Variants in POLE4 observed in about 807,000 individuals in gnomAD.
POLE4 encodes the protein DNA polymerase epsilon 4, accessory subunit.
In POLE4, 15 loss-of-function variants were observed where a neutral mutation model predicts 15.6. That is an observed-to-expected ratio of 0.96 (90% confidence interval 0.64 to 1.48). The LOEUF is 1.48. POLE4 is among the 40% of genes most tolerant of loss of function. The pLI, the probability that POLE4 is intolerant of heterozygous loss-of-function variation, is 0.00. For synonymous variants in POLE4, 83 were observed against 63.2 expected (o/e 1.31, Z -1.49); for missense variants, 205 against 151.9 (o/e 1.35, Z -1.84).
At chr2:74,960,059 C>T (rs772194106) in intron 2 of POLE4, 46 bp from the exon 3 acceptor site, 1 of 1,563,744 alleles carries the variant, frequency 6.4e-7, no homozygotes. Context: ...TGACTGAGGT[C>T]AGCATGGCTG....
Position 74,958,656 on chromosome 2 carries a change from G to T in POLE4, c.-24G>T. 2.1e-6 allele frequency: 3 copies of T among 1,400,226 alleles called. No homozygotes were observed. Among genetic ancestry groups the T allele is most frequent in the East Asian group, 3.0e-5 (1 of 33,208 alleles). The allele number at this position is 1,400,226 out of a possible 1,614,324, so 86.7% of individuals were successfully genotyped here. A position where few individuals can be genotyped will look rare whatever the true frequency, so the allele number is the denominator to read the frequency against. ...GCATGCGCGCGCACAGTCGGCGGCC[G>T]CGCGCAGCACGCTCAAGGCCGGGAT... On this transcript the variant is annotated 5_prime_UTR_variant, in exon 1 of 4. Coordinates refer to ENST00000483063, the MANE Select transcript of POLE4 (RefSeq NM_019896.4).
chr2:74,966,230 C>T (rs1376959090), intron 3 of POLE4, among the ~76,000 whole-genome samples: 4 of 152,080 alleles, frequency 2.6e-5, no homozygotes, highest in Admixed American at 2.0e-4. Flanking sequence ...AAATTGAGAT[C>T]TCAGGATCCA....
At chr2:74,959,992 T>G (rs1388458821) in intron 2 of POLE4, 113 bp from the exon 3 acceptor site, 1 of 800,896 alleles carries the variant, frequency 1.2e-6, no homozygotes, top group Non-Finnish European at 2.2e-6. Context: ...ACGCATCTTA[T>G]AAATGCCCTC....
chr2:74,958,723 A>G lies in POLE4; in HGVS notation c.44A>G (p.Glu15Gly). ...GCAGGAAGCGGGACGCCCCGAGAGGAGGAGGGACCTGCTGGGGAGGCAGCG... is the reference window on the plus strand; with the variant it reads ...GCAGGAAGCGGGACGCCCCGAGAGGGGGAGGGACCTGCTGGGGAGGCAGCG... ...AAAGSGTPRE[E>G]EGPAGEAAAS... The change falls in exon 1 of 4, where the codon GAG becomes GGG. Residue 15 changes from glutamate to glycine, a missense_variant. Glu to Gly is a moderately conservative substitution (Grantham distance 98). Coordinates refer to ENST00000483063, the MANE Select transcript of POLE4 (RefSeq NM_019896.4). 4 of 1,498,824 alleles carry G rather than the reference A, an allele frequency of 2.7e-6. No individual in the cohort carries two copies. Among genetic ancestry groups the G allele is most frequent in the Non-Finnish European group, 3.6e-6 (4 of 1,125,946 alleles). The allele number at this position is 1,498,824 out of a possible 1,614,324, so 92.8% of individuals were successfully genotyped here. A position where few individuals can be genotyped will look rare whatever the true frequency, so the allele number is the denominator to read the frequency against.
chr2:74,960,954 G>A (rs981680943), intron 3 of POLE4: 1 of 189,994 alleles, frequency 5.3e-6, no homozygotes, highest in South Asian at 1.1e-4. Flanking sequence ...GTAACATGCT[G>A]TTCAGGTTTG....
intron 3 of POLE4, among the ~76,000 whole-genome samples, 191 bp from the exon 4 acceptor site, chr2:74,969,218 A>G (rs956032841): frequency 3.3e-5 from 5 of 152,146 alleles, no homozygotes; most frequent in Admixed American, 6.5e-5. Context: ...CTTAATTCCT[A>G]ACTGCCCACC....
At chr2:74,968,782 C>T (rs2103685837) in intron 3 of POLE4, among the ~76,000 whole-genome samples, 1 of 152,030 alleles carries the variant, frequency 6.6e-6, no homozygotes. Flanking sequence ...GTGACTTGAG[C>T]CTGGAGCTTC....
intron 3 of POLE4, among the ~76,000 whole-genome samples, chr2:74,968,888 C>G (rs1388611930): frequency 3.9e-5 from 6 of 151,918 alleles, no homozygotes; most frequent in African/African-American, 1.2e-4. Flanking sequence ...TATAAGCATA[C>G]TTTGATCAGG....
rs113387593 is a variant in POLE4, at chr2:74,960,167, C to T, written c.340+21C>T. 172 of 1,592,770 alleles carry T rather than the reference C, an allele frequency of 1.1e-4. 1 individual carries two copies. In the South Asian group the frequency reaches 1.7e-3, roughly 16 times the overall value. ...GGAAGGTGAGTTCCCTCTCAGTGGG[C>T]AATCATTTCCGCCTGTCTTTTGCAT... On this transcript the variant is annotated intron_variant, in intron 3 of 3. Transcript: ENST00000483063.
Position 74,969,403 on chromosome 2 carries a change from G to C in POLE4, c.341-6G>C, listed in dbSNP as rs1296308581. 6.2e-7 allele frequency: 1 copy of C among 1,613,708 alleles called. No homozygotes were observed. Among genetic ancestry groups the C allele is most frequent in the Admixed American group, 1.7e-5 (1 of 60,012 alleles). On this transcript the variant is annotated splice_region_variant and splice_polypyrimidine_tract_variant and intron_variant, in intron 3 of 3. Transcript: ENST00000483063. Reference sequence around the variant, plus strand: ...CTGATATACTCATTGCTCTTTGTATGTTTAGGTACTTTAGATTGATTGCCG... The same window carrying C: ...CTGATATACTCATTGCTCTTTGTATCTTTAGGTACTTTAGATTGATTGCCG...
At chr2:74,961,498 T>A (rs1233159035) in intron 3 of POLE4, 1 of 152,234 alleles carries the variant, frequency 6.6e-6, no homozygotes, top group Non-Finnish European at 1.5e-5. Flanking sequence ...CAAAAATGTT[T>A]GGAGCCTACT....
intron 1 of POLE4, 75 bp from the exon 2 acceptor site, chr2:74,959,266 C>G (rs1329143588): frequency 4.4e-6 from 4 of 900,836 alleles, no homozygotes; most frequent in African/African-American, 1.7e-5. Context: ...TTTCTGCCCC[C>G]ACCCACAAAC....
At position 74,960,150 on chromosome 2, in the gene POLE4, A is replaced by G. The variant is rs753829975; in HGVS notation, c.340+4A>G. The G allele has an allele frequency of 3.5e-5, 56 of 1,611,302 alleles. No individual in the cohort carries two copies. Among genetic ancestry groups the G allele is most frequent in the Non-Finnish European group, 4.6e-5 (54 of 1,177,572 alleles). On this transcript the variant is annotated splice_donor_region_variant and intron_variant, in intron 3 of 3. Transcript: ENST00000483063. ...GATGAATTTGCTTTTCTGGAAGGTG[A>G]GTTCCCTCTCAGTGGGCAATCATTT...
chr2:74,958,934 G>A (rs527331564), intron 1 of POLE4, 42 bp downstream of exon 1: 1 of 1,521,940 alleles, frequency 6.6e-7, no homozygotes, highest in East Asian at 2.5e-5. Flanking sequence ...GGGGGAGGTG[G>A]AGTGTGGGGC....
chr2:74,967,883 T>C (rs570121007), intron 3 of POLE4, among the ~76,000 whole-genome samples: 1 of 152,130 alleles, frequency 6.6e-6, no homozygotes, highest in Non-Finnish European at 1.5e-5. Flanking sequence ...GCTGCAGGCC[T>C]GTGAAGGGGC....
intron 1 of POLE4, 175 bp downstream of exon 1, chr2:74,959,067 C>T (rs969444306): frequency 3.9e-5 from 25 of 634,034 alleles, no homozygotes; most frequent in South Asian, 3.7e-4. Context: ...GTTAACACTC[C>T]TCCCTCTTGT....
At chr2:74,961,295 TA>T (rs1479140826) in intron 3 of POLE4, 1 of 152,256 alleles carries the variant, frequency 6.6e-6, no homozygotes, top group Non-Finnish European at 1.5e-5. Flanking sequence ...TTTTGATAGA[TA>T]TTTTTTAAAT....
chr2:74,960,544 G>A (rs376263978), intron 3 of POLE4: 1 of 495,570 alleles, frequency 2.0e-6, no homozygotes, highest in Non-Finnish European at 4.0e-6. Flanking sequence ...TCTGTGTGAA[G>A]TGATTATTTT....
chr2:74,966,033 G>C (rs943356995), intron 3 of POLE4, among the ~76,000 whole-genome samples: 5 of 150,214 alleles, frequency 3.3e-5, no homozygotes, highest in African/African-American at 1.2e-4. Context: ...CTTTTTATTT[G>C]CTTGTTTTAT....
Sources: gnomAD v4.1 joint callset for allele counts (sites outside exome capture counted in the v4.1 genomes callset) on GRCh38, gnomAD v4.1.1 for gene constraint, MANE v1.5 for transcripts, NCBI Gene and HGNC (gene_info 2026-07-23, HGNC 2026-07-21) for gene names.